The following ZNF469 variants were observed in gnomAD, a reference collection of about 807,000 sequenced individuals.
ZNF469 encodes the protein zinc finger protein 469.
ZNF469 carries 1 observed loss-of-function variant against 1.0 expected under a neutral mutation model. The observed-to-expected ratio is 1.00, with a 90% CI of 0.35 to 4.73. ZNF469 has a LOEUF of 4.73. Among genes scored for constraint, ZNF469 ranks in the 30% most tolerant of loss-of-function variants. The pLI is 0.16. For synonymous variants in ZNF469, 2,703 were observed against 2,363.4 expected, an observed-to-expected ratio of 1.14 and a Z score of -4.17; for missense variants, 6,100 against 5,356.3, an observed-to-expected ratio of 1.14 and a Z score of -4.33.
At chr16:88,206,565 AAAAC>A in the ZNF469 span, among the ~76,000 whole-genome samples, 8 of 151,912 alleles carry the variant, frequency 5.3e-5, no homozygotes, top group African/African-American at 9.7e-5. Flanking sequence ...TTATGACAAA[AAAAC>A]AAACAAACAA....
chr16:88,222,423 G>A, the ZNF469 span, among the ~76,000 whole-genome samples: 26 of 152,256 alleles, frequency 1.7e-4, no homozygotes, highest in South Asian at 5.0e-3. Flanking sequence ...CGAGTAGCTG[G>A]GACTACAAGT....
chr16:88,158,678 G>A, the ZNF469 span, among the ~76,000 whole-genome samples: 2 of 152,214 alleles, frequency 1.3e-5, no homozygotes, highest in African/African-American at 2.4e-5. Context: ...TGTGGCCACC[G>A]CTGCCCCTCT....
At chr16:88,334,958 T>C in the ZNF469 span, among the ~76,000 whole-genome samples, 19 of 142,592 alleles carry the variant, frequency 1.3e-4, no homozygotes, top group Admixed American at 8.3e-4. Flanking sequence ...AGGACACATG[T>C]GTGATGGAGA....
the ZNF469 span, among the ~76,000 whole-genome samples, chr16:88,131,390 T>C: frequency 6.6e-6 from 1 of 152,166 alleles, no homozygotes; most frequent in East Asian, 1.9e-4. Context: ...CCTCTCGGCT[T>C]TCCCTTCCCG....
the ZNF469 span, among the ~76,000 whole-genome samples, chr16:88,253,432 G>T: frequency 1.3e-5 from 2 of 151,464 alleles, no homozygotes; most frequent in Non-Finnish European, 2.9e-5. Flanking sequence ...TGCATTTCTA[G>T]TTCCCTGATG....
At position 88,431,788 on chromosome 16, in the gene ZNF469, G is replaced by T; in HGVS notation, c.4318G>T (p.Glu1440Ter). ...GAGCCCACCTGGCACCGCTGAGACG[G>T]AGCCAGGCAGGGCTGCATCGCCACC... Reference protein sequence around the residue: ...PRSPPGTAETEPGRAASPPTL... With the variant: ...PRSPPGTAET Residue 1440 changes from glutamate (E) to a stop codon, truncating the protein, a stop_gained, in exon 3 of 3, where the codon GAG becomes TAG. Coordinates refer to ENST00000565624, the MANE Select transcript of ZNF469 (RefSeq NM_001367624.2). LOFTEE classifies it low-confidence loss of function (END_TRUNC). 1 of 1,549,776 alleles carries T rather than the reference G, an allele frequency of 6.5e-7. No individual in the cohort carries two copies. The highest frequency in any genetic ancestry group is 1.2e-5 in the South Asian group (1 of 84,068).
chr16:88,295,566 C>T, the ZNF469 span, among the ~76,000 whole-genome samples: 1 of 152,136 alleles, frequency 6.6e-6, no homozygotes, highest in East Asian at 1.9e-4. Flanking sequence ...GGGTTGTGGC[C>T]ATTCTGGTGT....
chr16:88,399,544 A>T lies in ZNF469; in HGVS notation c.-192+16290A>T, dbSNP rs186832673. Among the ~76,000 whole-genome samples, 327 of 152,304 alleles carry T rather than the reference A, an allele frequency of 2.1e-3. 2 individuals are homozygous for T. Among genetic ancestry groups the T allele is most frequent in the African/African-American group, 7.3e-3 (305 of 41,576 alleles). On this transcript the variant is annotated intron_variant, in intron 1 of 2. Coordinates refer to ENST00000565624, the MANE Select transcript of ZNF469 (RefSeq NM_001367624.2). Reference sequence around the variant, plus strand: ...GGCAGGGGCAGACAGAGCCACCTTCATGGGAGGGCCAGGCTGGAGCAGGGA... The same window carrying T: ...GGCAGGGGCAGACAGAGCCACCTTCTTGGGAGGGCCAGGCTGGAGCAGGGA...
the ZNF469 span, among the ~76,000 whole-genome samples, chr16:88,152,043 C>A: frequency 6.6e-6 from 1 of 152,186 alleles, no homozygotes; most frequent in Admixed American, 6.5e-5. This position sits in a 1 kb window ranked among gnomAD's most constrained non-coding sequence, Gnocchi z 4.2. Flanking sequence ...CTTCTCAGCT[C>A]TTGGGGGCAG....
rs1257927751 is a variant in ZNF469, at chr16:88,435,675, G to A, written c.8205G>A (p.Met2735Ile). Residue 2735 changes from methionine to isoleucine, a missense_variant, in exon 3 of 3, where the codon ATG (methionine) becomes ATA (isoleucine). By Grantham distance (10) the Met-to-Ile change is conservative. Coordinates refer to ENST00000565624, the MANE Select transcript of ZNF469 (RefSeq NM_001367624.2). ...ATCGGATGCTGTGTCCAGGGAGGAT[G>A]GATGGTGCAGCTCTGGGGGAACAGC... Reference protein sequence around the residue: ...PGDRMLCPGRMDGAALGEQPT... With the variant: ...PGDRMLCPGRIDGAALGEQPT... 1 of 1,550,482 alleles carries A rather than the reference G, an allele frequency of 6.4e-7. No homozygotes were observed. The highest frequency in any genetic ancestry group is 8.7e-7 in the Non-Finnish European group (1 of 1,147,006).
chr16:88,258,526 T>C, the ZNF469 span, among the ~76,000 whole-genome samples: 489 of 151,634 alleles, frequency 3.2e-3, 6 homozygotes, highest in African/African-American at 0.011. Flanking sequence ...CCCAAGTTTA[T>C]TGAGGGTTCT....
At chr16:88,229,656 G>A in the ZNF469 span, among the ~76,000 whole-genome samples, 594 of 42,382 alleles carry the variant, frequency 0.014, 7 homozygotes, top group Non-Finnish European at 0.03. Context: ...CTGATGTCAC[G>A]CGTGTGGATG....
At chr16:88,166,578 G>A in the ZNF469 span, among the ~76,000 whole-genome samples, 3 of 152,052 alleles carry the variant, frequency 2.0e-5, no homozygotes, top group Admixed American at 2.0e-4. This position sits in a 1 kb window ranked among gnomAD's most constrained non-coding sequence, Gnocchi z 4.5. Flanking sequence ...TGCACCCCTT[G>A]AGGCAACCAT....
Position 88,437,309 on chromosome 16 carries a change from G to C in ZNF469, c.9839G>C (p.Ser3280Thr). 2 of 1,547,550 alleles carry C rather than the reference G, an allele frequency of 1.3e-6. No individual in the cohort carries two copies. Among genetic ancestry groups the C allele is most frequent in the African/African-American group, 2.7e-5 (2 of 72,982 alleles). The change falls in exon 3 of 3, where the codon AGC becomes ACC. Residue 3280 changes from serine to threonine, a missense_variant. Physicochemically the swap from Ser to Thr is moderately conservative, Grantham distance 58. Transcript: ENST00000565624. ...RAKPRARSTPSNPDGAATPDS... is the reference protein window; with the variant it reads ...RAKPRARSTPTNPDGAATPDS... ...AAACCCCGGGCACGCAGCACCCCCAGCAACCCAGACGGGGCCGCGACCCCA... is the reference window on the plus strand; with the variant it reads ...AAACCCCGGGCACGCAGCACCCCCACCAACCCAGACGGGGCCGCGACCCCA...
the ZNF469 span, among the ~76,000 whole-genome samples, chr16:88,334,201 G>T: frequency 6.6e-6 from 1 of 152,136 alleles, no homozygotes; most frequent in Non-Finnish European, 1.5e-5. Context: ...TTTCCTAAGA[G>T]ACCAAAGAGT....
the ZNF469 span, among the ~76,000 whole-genome samples, chr16:88,264,313 A>G: frequency 1.3e-5 from 2 of 150,654 alleles, no homozygotes; most frequent in Non-Finnish European, 3.0e-5. Context: ...ATGCAGCTCA[A>G]CTCCCACGTA....
At chr16:88,182,682 T>G in the ZNF469 span, among the ~76,000 whole-genome samples, 15 of 148,202 alleles carry the variant, frequency 1.0e-4, no homozygotes, top group African/African-American at 3.7e-4. Context: ...TAGCTGGACA[T>G]AAGTCTCCAA....
the ZNF469 span, among the ~76,000 whole-genome samples, chr16:88,299,301 G>A: frequency 2.7e-5 from 4 of 149,696 alleles, no homozygotes; most frequent in African/African-American, 5.1e-5. Flanking sequence ...TCCTGAAGGA[G>A]GCAGCTTGCA....
At chr16:88,408,206 G>A (rs1905065754) in intron 1 of ZNF469, among the ~76,000 whole-genome samples, 1 of 152,214 alleles carries the variant, frequency 6.6e-6, no homozygotes, top group Admixed American at 6.5e-5. Context: ...AGGCTGGAGT[G>A]CAATGGCGTG....
Sources: gnomAD v4.1 joint callset for allele counts (sites outside exome capture counted in the v4.1 genomes callset) on GRCh38, gnomAD v4.1.1 for gene constraint, Gnocchi (gnomAD v3.1) non-coding constraint, MANE v1.5 for transcripts, NCBI Gene and HGNC (gene_info 2026-07-23, HGNC 2026-07-21) for gene names.